RNF217: variants seen among roughly 807,000 people sequenced by gnomAD.
RNF217 encodes E3 ubiquitin-protein ligase RNF217.
Under a neutral mutation model 57.8 loss-of-function variants are expected in RNF217, and 31 were observed. The observed-to-expected ratio is 0.54, with a 90% CI of 0.40 to 0.72. The LOEUF (loss-of-function observed/expected upper bound fraction) is 0.72, where lower values mean the gene tolerates loss of function less well. RNF217 is among the 30% of genes least tolerant of loss of function. The pLI, the probability that RNF217 is intolerant of heterozygous loss-of-function variation, is 0.00. For missense variants in RNF217, 696 were observed against 708.3 expected, an observed-to-expected ratio of 0.98 and a Z score of 0.20; for synonymous variants, 313 against 294.0, an observed-to-expected ratio of 1.06 and a Z score of -0.66.
rs928548425 is a variant in RNF217, at chr6:125,063,160, A to G, written c.1281+5054A>G. Among the ~76,000 whole-genome samples the G allele has an allele frequency of 2.6e-5, 4 of 152,344 alleles. No individual in the cohort carries two copies. In the East Asian group the frequency reaches 5.8e-4, roughly 22 times the overall value. ...TTTGTTCAATGTCATGCAAAAATTC[A>G]TTTTAGACTGTTTTATACCACAGAT... is the stretch of plus-strand genomic sequence containing the variant. On this transcript the variant is annotated intron_variant, in intron 3 of 5. Coordinates refer to ENST00000521654, the MANE Select transcript of RNF217 (RefSeq NM_001286398.3).
In RNF217 at chr6:125,086,176, T is replaced by A. The variant is rs2114668604; in HGVS notation, c.*3239T>A. On this transcript the variant is annotated 3_prime_UTR_variant, in exon 6 of 6. Coordinates refer to ENST00000521654, the MANE Select transcript of RNF217 (RefSeq NM_001286398.3). The stretch of plus-strand genomic sequence containing the variant: ...AGGAGATGAGGTCATAGAGATAATA[T>A]GAGACCCTTTTTTGGATAAAAAGAA... The A allele has an allele frequency of 6.6e-6, 1 of 152,142 alleles. No homozygotes were observed. Among genetic ancestry groups the A allele is most frequent in the Admixed American group, 6.5e-5 (1 of 15,272 alleles). 9.4% of individuals were successfully genotyped at this position (152,142 alleles called of 1,614,324 possible). A position where few individuals can be genotyped will look rare whatever the true frequency, so the allele number is the denominator to read the frequency against.
intron 1 of RNF217, among the ~76,000 whole-genome samples, chr6:125,021,290 G>A (rs990046404): frequency 4.1e-5 from 6 of 147,630 alleles, no homozygotes; most frequent in Middle Eastern, 3.5e-3. Flanking sequence ...TTTTTGAGAC[G>A]GAGTCTTGGT....
chr6:125,045,368 C>G lies in RNF217; in HGVS notation c.1040C>G (p.Pro347Arg). ...ATTGATTCCAGCACCAAGCCATGTC[C>G]TCAGTGCAAGCACTTTACAACCTTC... ...GRIDSSTKPC[P>R]QCKHFTTFKK... is the part of the protein sequence containing the mutation. Residue 347 changes from proline (P) to arginine (R), a missense_variant, in exon 2 of 6, where the codon CCT (proline) becomes CGT (arginine). This residue lies in a region of RNF217 where 231 missense variants were observed against 321.4 expected (regional missense o/e 0.72). Transcript: ENST00000521654. 4 of 1,613,438 alleles carry G rather than the reference C, an allele frequency of 2.5e-6. No individual in the cohort carries two copies. Among genetic ancestry groups the G allele is most frequent in the Non-Finnish European group, 3.4e-6 (4 of 1,179,672 alleles).
intron 1 of RNF217, among the ~76,000 whole-genome samples, chr6:125,043,075 T>A (rs1786949320): frequency 6.6e-6 from 1 of 152,120 alleles, no homozygotes; most frequent in Non-Finnish European, 1.5e-5. Context: ...GCTCTGCCCT[T>A]GTGCTCTGGT....
At chr6:125,081,578 A>T (rs1219012236) in intron 5 of RNF217, 71 bp downstream of exon 5, 2 of 1,185,656 alleles carry the variant, frequency 1.7e-6, no homozygotes, top group South Asian at 1.3e-5. Context: ...GTGTAAATGT[A>T]ATAATATGAA....
At position 124,983,863 on chromosome 6, in the gene RNF217, C is replaced by G. The variant is rs1350888233; in HGVS notation, c.882+20437C>G. Among the ~76,000 whole-genome samples the G allele has an allele frequency of 4.6e-5, 7 of 152,134 alleles. No individual in the cohort carries two copies. In the East Asian group the frequency reaches 1.3e-3, roughly 29 times the overall value. ...TTATAAATGACAGAAATTTATTGCTCACAATTCTGTAAGCTGAGAGTTCAG... is the reference window on the plus strand; with the variant it reads ...TTATAAATGACAGAAATTTATTGCTGACAATTCTGTAAGCTGAGAGTTCAG... On this transcript the variant is annotated intron_variant, in intron 1 of 5. Transcript: ENST00000521654.
intron 1 of RNF217, chr6:124,971,450 T>G: frequency 3.1e-6 from 1 of 323,290 alleles, no homozygotes; most frequent in Non-Finnish European, 6.1e-6. Flanking sequence ...ACTGTTAAGT[T>G]TTTTTTTGTT....
intron 1 of RNF217, among the ~76,000 whole-genome samples, chr6:124,985,315 C>T (rs1035123202): frequency 4.6e-5 from 7 of 152,030 alleles, no homozygotes; most frequent in Non-Finnish European, 7.4e-5. Context: ...TTAATTTTTG[C>T]GGATACATAA....
intron 1 of RNF217, among the ~76,000 whole-genome samples, chr6:125,038,800 G>GT (rs930507268): frequency 4.6e-5 from 7 of 151,932 alleles, no homozygotes; most frequent in Non-Finnish European, 1.0e-4. Context: ...CTTGGTATGA[G>GT]TTTTTTTGGG....
intron 3 of RNF217, among the ~76,000 whole-genome samples, chr6:125,060,782 T>C (rs1787702306): frequency 6.6e-6 from 1 of 152,182 alleles, no homozygotes; most frequent in South Asian, 2.1e-4. Flanking sequence ...ATCAAGGTGA[T>C]ATAACATCAG....
chr6:125,091,301 A>G lies in RNF217; in HGVS notation c.*8364A>G, dbSNP rs1256203883. 6.6e-6 allele frequency: 1 copy of G among 152,084 alleles called. No homozygotes were observed. Among genetic ancestry groups the G allele is most frequent in the Non-Finnish European group, 1.5e-5 (1 of 67,948 alleles). The allele number at this position is 152,084 out of a possible 1,614,324, so 9.4% of individuals were successfully genotyped here. A position where few individuals can be genotyped will look rare whatever the true frequency, so the allele number is the denominator to read the frequency against. On this transcript the variant is annotated 3_prime_UTR_variant, in exon 6 of 6. Transcript: ENST00000521654. ...ATATGGTGCTTTGTGTGATGAGTATATAACATTCATATACGTTATTAGTGC... is the reference window on the plus strand; with the variant it reads ...ATATGGTGCTTTGTGTGATGAGTATGTAACATTCATATACGTTATTAGTGC...
chr6:125,078,902 G>A (rs1056702476), intron 4 of RNF217, among the ~76,000 whole-genome samples: 3 of 152,010 alleles, frequency 2.0e-5, no homozygotes, highest in African/African-American at 7.2e-5. Context: ...ACAAATAGCA[G>A]GAAAAGTAAT....
intron 1 of RNF217, among the ~76,000 whole-genome samples, chr6:125,019,835 G>GC (rs993727332): frequency 2.0e-5 from 3 of 150,382 alleles, no homozygotes; most frequent in Non-Finnish European, 4.4e-5. Flanking sequence ...TTTTGCAGTG[G>GC]GGGGGGAGTG....
intron 3 of RNF217, among the ~76,000 whole-genome samples, chr6:125,062,375 T>C (rs1017485952): frequency 2.0e-5 from 3 of 152,152 alleles, no homozygotes; most frequent in Admixed American, 2.0e-4. Flanking sequence ...TTTTGGCAGG[T>C]AATCAGGATG....
intron 1 of RNF217, among the ~76,000 whole-genome samples, chr6:124,977,302 A>G (rs1562448916): frequency 6.6e-6 from 1 of 152,234 alleles, no homozygotes; most frequent in Non-Finnish European, 1.5e-5. Flanking sequence ...AGAAAGCACA[A>G]GCAACAGTGC....
chr6:124,991,652 T>C (rs1018944604), intron 1 of RNF217, among the ~76,000 whole-genome samples: 2 of 152,244 alleles, frequency 1.3e-5, no homozygotes, highest in Non-Finnish European at 2.9e-5. Context: ...AACAGACATT[T>C]GTTTTAAATA....
intron 1 of RNF217, among the ~76,000 whole-genome samples, chr6:124,980,719 C>T (rs1195367301): frequency 6.6e-6 from 1 of 152,140 alleles, no homozygotes; most frequent in Admixed American, 6.5e-5. Context: ...AAAGTAACAA[C>T]TTAAACAAAG....
intron 2 of RNF217, among the ~76,000 whole-genome samples, chr6:125,056,074 CA>C (rs1406800487): frequency 6.6e-6 from 1 of 151,926 alleles, no homozygotes; most frequent in Non-Finnish European, 1.5e-5. Context: ...TCTTGGTAAT[CA>C]TGTGGAATTC....
rs551400639 is a variant in RNF217, at chr6:125,025,993, C to T, written c.883-19218C>T. On this transcript the variant is annotated intron_variant, in intron 1 of 5. Coordinates refer to ENST00000521654, the MANE Select transcript of RNF217 (RefSeq NM_001286398.3). ...ATGGTTCATGGGTAAGAAAGAAGCA[C>T]CCCAGAGGGTCCCAGAGAAGGTTGC... is the stretch of plus-strand genomic sequence containing the variant. Among the ~76,000 whole-genome samples the T allele has an allele frequency of 4.6e-5, 7 of 152,200 alleles. No homozygotes were observed. The East Asian group carries it at 1.2e-3, about 25-fold the overall frequency.
Sources: gnomAD v4.1 joint callset for allele counts (sites outside exome capture counted in the v4.1 genomes callset) on GRCh38, gnomAD v4.1.1 for gene constraint, gnomAD v4.1.1 regional missense constraint, MANE v1.5 for transcripts, NCBI Gene and HGNC (gene_info 2026-07-23, HGNC 2026-07-21) for gene names.